TOPORS: variants seen among roughly 807,000 people sequenced by gnomAD.
TOPORS encodes E3 ubiquitin-protein ligase Topors.
A neutral mutation model predicts 81.4 loss-of-function variants in TOPORS; 25 were observed. The observed-to-expected ratio is 0.31, with a 90% CI of 0.22 to 0.43. TOPORS has a LOEUF of 0.43. Ranked by LOEUF, TOPORS falls within the 20% of genes least tolerant of loss-of-function variation. The probability of loss-of-function intolerance (pLI) is 1.00; values close to 1 mark genes in which losing one functional copy is unlikely to be tolerated. For missense variants in TOPORS, 1,101 were observed against 1,267.0 expected, an observed-to-expected ratio of 0.87 and a Z score of 1.99; for synonymous variants, 473 against 456.6, an observed-to-expected ratio of 1.04 and a Z score of -0.46.
intron 1 of TOPORS, chr9:32,551,272 G>A: frequency 1.8e-6 from 1 of 548,212 alleles, no homozygotes; most frequent in Non-Finnish European, 3.3e-6. Context: ...CTAGTTCGAT[G>A]TCGTTTCAAC....
chr9:32,552,127 GCAACTAGAAAGAAAACCA>G, intron 1 of TOPORS: 1 of 563,044 alleles, frequency 1.8e-6, no homozygotes, highest in Non-Finnish European at 3.1e-6. Flanking sequence ...ATATTGCATT[GCAACTAGAAAGAAAACCA>G]GTGGAGGTAC....
At chr9:32,545,548 G>A (rs983413807) in intron 2 of TOPORS, among the ~76,000 whole-genome samples, 1 of 151,758 alleles carries the variant, frequency 6.6e-6, no homozygotes, top group African/African-American at 2.4e-5. Flanking sequence ...ATCACCTGAG[G>A]TCAGGAGTTC....
intron 2 of TOPORS, among the ~76,000 whole-genome samples, chr9:32,549,228 A>T (rs1000187124): frequency 1.3e-5 from 2 of 152,092 alleles, no homozygotes; most frequent in Non-Finnish European, 2.9e-5. Flanking sequence ...AATGGCGTGA[A>T]CCTGGCAGGC....
In TOPORS at chr9:32,543,084, CAAT is replaced by C; in HGVS notation, c.1438_1440del (p.Ile480del). The C allele has an allele frequency of 6.2e-7, 1 of 1,614,150 alleles. No individual in the cohort carries two copies. The highest frequency in any genetic ancestry group is 1.1e-5 in the South Asian group (1 of 91,084). ...TCAGCTAGTGGTTTAACAAACCCAA[CAAT>C]GACACAATTATCTGAAGAATCATCA... is the stretch of plus-strand genomic sequence containing the variant. On this transcript the variant is annotated inframe_deletion, in exon 3 of 3. Transcript: ENST00000360538. The surrounding 1 kb of genome is among the most constrained non-coding windows in gnomAD (Gnocchi z 5.6).
In TOPORS at chr9:32,543,131, T is replaced by A; in HGVS notation, c.1394A>T (p.Asp465Val). ...ATCATCACTGTCATTATTTAGGTCG[T>A]CATTGGTTTGTACTCCTTGTATCTG... ...TSQIQGVQTNDDLNNDSDDSS... is the reference protein window; with the variant it reads ...TSQIQGVQTNVDLNNDSDDSS... The change falls in exon 3 of 3, where the codon GAC becomes GTC. Residue 465 changes from aspartate to valine, a missense_variant. Transcript: ENST00000360538. The surrounding 1 kb of genome is among the most constrained non-coding windows in gnomAD (Gnocchi z 5.6). The A allele has an allele frequency of 6.2e-7, 1 of 1,614,102 alleles. No homozygotes were observed. Among genetic ancestry groups the A allele is most frequent in the African/African-American group, 1.3e-5 (1 of 75,048 alleles).
In TOPORS at chr9:32,542,973, GTTC is replaced by G. The variant is rs781526063; in HGVS notation, c.1549_1551del (p.Glu517del). The G allele has an allele frequency of 1.2e-6, 2 of 1,614,170 alleles. No individual in the cohort carries two copies. The highest frequency in any genetic ancestry group is 1.7e-5 in the Admixed American group (1 of 60,028). On this transcript the variant is annotated inframe_deletion, in exon 3 of 3. Transcript: ENST00000360538. ...TCACCAGAACTGTAAGATTGCTCCT[GTTC>G]TTGTGTCTTCACTGTCTCCATTTTC...
At chr9:32,551,168 G>T in intron 1 of TOPORS, 200 bp from the exon 2 acceptor site, 1 of 659,116 alleles carries the variant, frequency 1.5e-6, no homozygotes, top group Non-Finnish European at 2.7e-6. Flanking sequence ...CCCCGGAGGA[G>T]GGCAGCGCGA....
Position 32,551,360 on chromosome 9 carries a change from C to G in TOPORS, c.4-392G>C, listed in dbSNP as rs142515696. 242 of 351,816 alleles carry G rather than the reference C, an allele frequency of 6.9e-4. 1 individual carries two copies. The highest frequency in any genetic ancestry group is 4.7e-3 in the African/African-American group (221 of 47,150). The allele number at this position is 351,816 out of a possible 1,614,324, so 21.8% of individuals were successfully genotyped here. A position where few individuals can be genotyped will look rare whatever the true frequency, so the allele number is the denominator to read the frequency against. ...GAATTGTTAGATGGACTTGAAGTCT[C>G]TCACCTCCTGTTGTACGCCTCCCGG... On this transcript the variant is annotated intron_variant, in intron 1 of 2. Transcript: ENST00000360538.
chr9:32,550,964 G>T lies in TOPORS; in HGVS notation c.8C>A (p.Ser3Ter). Residue 3 changes from serine to a stop codon, truncating the protein, a stop_gained, in exon 2 of 3, where the codon TCG becomes TAG. Transcript: ENST00000360538. LOFTEE classifies it high-confidence loss of function. The part of the protein sequence containing the change: MG[S>*]QPPLGSPLSR... The stretch of plus-strand genomic sequence containing the variant: ...CAGCGGAGACCCCAGCGGCGGCTGC[G>T]ACCCCTGTGACGCAAAGGGCTCATC... The T allele has an allele frequency of 6.2e-7, 1 of 1,610,196 alleles. No individual in the cohort carries two copies.
chr9:32,543,790 T>A lies in TOPORS; in HGVS notation c.735A>T (p.Arg245Ser). 1.2e-6 allele frequency: 2 copies of A among 1,612,534 alleles called. No individual in the cohort carries two copies. The highest frequency in any genetic ancestry group is 1.7e-6 in the Non-Finnish European group (2 of 1,179,052). The change falls in exon 3 of 3, where the codon AGA becomes AGT. Residue 245 changes from arginine to serine, a missense_variant. Transcript: ENST00000360538. This position sits in a 1 kb window ranked among gnomAD's most constrained non-coding sequence, Gnocchi z 5.6. ...CTTGTTCTTGAATTTTCCGCAAAGATCTTTCATCTGCCGTAGTTGGCCTCC... is the reference window on the plus strand; with the variant it reads ...CTTGTTCTTGAATTTTCCGCAAAGAACTTTCATCTGCCGTAGTTGGCCTCC... ...AVRRPTTADE[R>S]SLRKIQEQDI... is the part of the protein sequence containing the mutation.
chr9:32,540,849 C>G lies in TOPORS; in HGVS notation c.*538G>C, dbSNP rs1389862441. On this transcript the variant is annotated 3_prime_UTR_variant, in exon 3 of 3. Transcript: ENST00000360538. Reference sequence around the variant, plus strand: ...TTGTTTTACTGGCAGTCCAGATAAACAAGTATATAAAGGAAATAGTAAATT... The same window carrying G: ...TTGTTTTACTGGCAGTCCAGATAAAGAAGTATATAAAGGAAATAGTAAATT... 1 of 152,108 alleles carries G rather than the reference C, an allele frequency of 6.6e-6. No individual in the cohort carries two copies. Among genetic ancestry groups the G allele is most frequent in the East Asian group, 1.9e-4 (1 of 5,182 alleles). 9.4% of individuals were successfully genotyped at this position (152,108 alleles called of 1,614,324 possible).
chr9:32,541,299 T>C lies in TOPORS; in HGVS notation c.*88A>G, dbSNP rs2118963344. Reference sequence around the variant, plus strand: ...AAGGAGGAAGAGAGTTTTCACCAAATGTCATCTTTAAATAGACTGCAGTAG... The same window carrying C: ...AAGGAGGAAGAGAGTTTTCACCAAACGTCATCTTTAAATAGACTGCAGTAG... On this transcript the variant is annotated 3_prime_UTR_variant, in exon 3 of 3. Coordinates refer to ENST00000360538, the MANE Select transcript of TOPORS (RefSeq NM_005802.5). The C allele has an allele frequency of 7.6e-7, 1 of 1,309,624 alleles. No individual in the cohort carries two copies. The highest frequency in any genetic ancestry group is 2.4e-5 in the East Asian group (1 of 41,212). The allele number at this position is 1,309,624 out of a possible 1,614,324, so 81.1% of individuals were successfully genotyped here.
chr9:32,544,445 A>G, intron 2 of TOPORS, 119 bp from the exon 3 acceptor site: 1 of 1,008,732 alleles, frequency 9.9e-7, no homozygotes, highest in Non-Finnish European at 1.4e-6. Flanking sequence ...TAAGTGACCC[A>G]TTACTTTTGT....
Position 32,543,968 on chromosome 9 carries a change from C to G in TOPORS, c.557G>C (p.Arg186Thr), listed in dbSNP as rs1821109506. 2 of 1,614,002 alleles carry G rather than the reference C, an allele frequency of 1.2e-6. No individual in the cohort carries two copies. Among genetic ancestry groups the G allele is most frequent in the South Asian group, 2.2e-5 (2 of 91,086 alleles). The change falls in exon 3 of 3, where the codon AGG becomes ACG. Residue 186 changes from arginine to threonine, a missense_variant. Physicochemically the swap from Arg to Thr is moderately conservative, Grantham distance 71. Coordinates refer to ENST00000360538, the MANE Select transcript of TOPORS (RefSeq NM_005802.5). This position sits in a 1 kb window ranked among gnomAD's most constrained non-coding sequence, Gnocchi z 5.6. ...RRFRYRTTLT[R>T]ERNASVYSPS... Reference sequence around the variant, plus strand: ...TGAATACACAGAAGCATTTCGTTCCCTTGTCAGAGTTGTACGGTAGCGAAA... The same window carrying G: ...TGAATACACAGAAGCATTTCGTTCCGTTGTCAGAGTTGTACGGTAGCGAAA...
Position 32,544,296 on chromosome 9 carries a change from T to C in TOPORS, c.229A>G (p.Met77Val). The C allele has an allele frequency of 6.2e-7, 1 of 1,602,328 alleles. No homozygotes were observed. The highest frequency in any genetic ancestry group is 8.5e-7 in the Non-Finnish European group (1 of 1,179,960). ...CCAGCTTTAGGTGAAAAGTTGTCCA[T>C]TTTAAATTCCTTAGCAGCTGATGCC... is the stretch of plus-strand genomic sequence containing the variant. ...IMASAAKEFK[M>V]DNFSPKAGTS... The change falls in exon 3 of 3, where the codon ATG (methionine) becomes GTG (valine). Residue 77 changes from methionine to valine, a missense_variant. Around this residue, in one of 9 missense-constraint regions of TOPORS, gnomAD observed 48 missense variants for 73.3 expected, o/e 0.65. Coordinates refer to ENST00000360538, the MANE Select transcript of TOPORS (RefSeq NM_005802.5).
rs1563983668 is a variant in TOPORS, at chr9:32,542,680, A to C, written c.1845T>G (p.His615Gln). ...TTCTTTTCTTCCCATGATGCTTTCT[A>C]TGATTCTTCTGATCATGCCCACTTC... Reference protein sequence around the residue: ...QSRSGHDQKNHRKHHGKKRMK... With the variant: ...QSRSGHDQKNQRKHHGKKRMK... Residue 615 changes from histidine (H) to glutamine (Q), a missense_variant, in exon 3 of 3, where the codon CAT becomes CAG. His to Gln is a conservative substitution (Grantham distance 24). Around this residue, in one of 9 missense-constraint regions of TOPORS, gnomAD observed 605 missense variants for 636.1 expected, o/e 0.95. Transcript: ENST00000360538. 1 of 1,613,930 alleles carries C rather than the reference A, an allele frequency of 6.2e-7. No individual in the cohort carries two copies. The highest frequency in any genetic ancestry group is 2.2e-5 in the East Asian group (1 of 44,854).
At position 32,540,674 on chromosome 9, in the gene TOPORS, C is replaced by G. The variant is rs1036973920; in HGVS notation, c.*713G>C. 1 of 152,494 alleles carries G rather than the reference C, an allele frequency of 6.6e-6. No homozygotes were observed. Among genetic ancestry groups the G allele is most frequent in the Non-Finnish European group, 1.5e-5 (1 of 68,002 alleles). The allele number at this position is 152,494 out of a possible 1,614,324, so 9.4% of individuals were successfully genotyped here. A position where few individuals can be genotyped will look rare whatever the true frequency, so the allele number is the denominator to read the frequency against. ...ATAAAGTATTTGTTCACCTGAAGTTCAGTATTTATGACATAATTATGCCCT... is the reference window on the plus strand; with the variant it reads ...ATAAAGTATTTGTTCACCTGAAGTTGAGTATTTATGACATAATTATGCCCT... On this transcript the variant is annotated 3_prime_UTR_variant, in exon 3 of 3. Transcript: ENST00000360538.
chr9:32,552,048 A>G (rs999629041), intron 1 of TOPORS, among the ~76,000 whole-genome samples: 2 of 152,016 alleles, frequency 1.3e-5, no homozygotes, highest in African/African-American at 2.4e-5. Flanking sequence ...GCCAGACGTA[A>G]TATTTAAAAC....
At chr9:32,551,477 G>A in intron 1 of TOPORS, 1 of 266,172 alleles carries the variant, frequency 3.8e-6, no homozygotes, top group Non-Finnish European at 7.6e-6. Flanking sequence ...AGGCTGGGGA[G>A]AAACAGGACA....
Sources: allele counts gnomAD v4.1 joint callset (sites outside exome capture counted in the v4.1 genomes callset), GRCh38; gene constraint gnomAD v4.1.1; regional missense constraint gnomAD v4.1.1; non-coding constraint Gnocchi (gnomAD v3.1); transcripts MANE v1.5; gene names NCBI Gene and HGNC (gene_info 2026-07-23, HGNC 2026-07-21).